Variants in FAM118A observed in about 807,000 individuals in gnomAD.
FAM118A encodes protein FAM118A.
In FAM118A, 25 loss-of-function variants were observed where a neutral mutation model predicts 38.2. The ratio of observed to expected loss-of-function variants is 0.65; its 90% confidence interval spans 0.48 to 0.91. FAM118A has a LOEUF of 0.91. Ranked by LOEUF, FAM118A falls within the 40% of genes least tolerant of loss-of-function variation. The pLI, the probability that FAM118A is intolerant of heterozygous loss-of-function variation, is 0.00. For missense variants in FAM118A, 425 were observed against 463.3 expected (o/e 0.92, Z 0.76); for synonymous variants, 178 against 184.1 (o/e 0.97, Z 0.27).
intron 6 of FAM118A, among the ~76,000 whole-genome samples, chr22:45,333,632 C>G (rs1306907034): frequency 2.0e-5 from 3 of 150,190 alleles, no homozygotes; most frequent in Non-Finnish European, 4.4e-5. Flanking sequence ...CAAGATCGCA[C>G]CACTGCACTC....
Position 45,332,691 on chromosome 22 carries a change from C to A in FAM118A, c.918C>A (p.Ile306=), listed in dbSNP as rs1199571094. 4 of 1,603,300 alleles carry A rather than the reference C, an allele frequency of 2.5e-6. No individual in the cohort carries two copies. The highest frequency in any genetic ancestry group is 3.4e-6 in the Non-Finnish European group (4 of 1,173,138). ...PGYVQDLATQ[I]CKQQSPDADR... ...ATGTGCAAGACCTTGCCACTCAGATCTGCAAACAGCAAAGCCCAGGTATGG... is the reference window on the plus strand; with the variant it reads ...ATGTGCAAGACCTTGCCACTCAGATATGCAAACAGCAAAGCCCAGGTATGG... Residue 306 remains isoleucine (I), a synonymous_variant, in exon 6 of 9, where the codon ATC becomes ATA. Transcript: ENST00000441876.
intron 6 of FAM118A, 152 bp downstream of exon 6, chr22:45,332,862 G>A: frequency 2.6e-6 from 2 of 772,464 alleles, no homozygotes; most frequent in Non-Finnish European, 4.0e-6. Context: ...TTCTGCCTCA[G>A]CCTTCCGAGT....
chr22:45,309,901 C>G (rs1038991389), upstream of FAM118A: 1 of 152,094 alleles, frequency 6.6e-6, no homozygotes, highest in Non-Finnish European at 1.5e-5. Flanking sequence ...GGAACGTTCA[C>G]GCGGCTGGGG....
Position 45,323,398 on chromosome 22 carries a change from G to A in FAM118A, c.271G>A (p.Ala91Thr), listed in dbSNP as rs759418785. The change falls in exon 3 of 9, where the codon GCC becomes ACC. Residue 91 changes from alanine to threonine, a missense_variant. Ala to Thr is a moderately conservative substitution (Grantham distance 58, BLOSUM62 0). Coordinates refer to ENST00000441876, the MANE Select transcript of FAM118A (RefSeq NM_017911.4). ...VTKDRDLLVV[A>T]HDLIRKMSPR... Reference sequence around the variant, plus strand: ...AAAGGACCGGGACCTGTTGGTTGTCGCCCATGATCTGATCCGGAAGATGTC... The same window carrying A: ...AAAGGACCGGGACCTGTTGGTTGTCACCCATGATCTGATCCGGAAGATGTC... 2.7e-5 allele frequency: 44 copies of A among 1,613,898 alleles called. No homozygotes were observed. In the Admixed American group the frequency reaches 5.5e-4, roughly 20 times the overall value.
At chr22:45,338,654 T>G (rs957604107) in intron 8 of FAM118A, among the ~76,000 whole-genome samples, 8 of 152,346 alleles carry the variant, frequency 5.3e-5, no homozygotes, top group African/African-American at 1.9e-4. Flanking sequence ...AGAGAGGATT[T>G]TCATATAATA....
chr22:45,337,751 C>T, intron 8 of FAM118A: 7 of 831,844 alleles, frequency 8.4e-6, no homozygotes, highest in Non-Finnish European at 1.0e-5. Flanking sequence ...GCTCTGGCCC[C>T]CCATCCATCC....
intron 8 of FAM118A, among the ~76,000 whole-genome samples, chr22:45,339,083 C>A (rs975390432): frequency 6.6e-6 from 1 of 152,204 alleles, no homozygotes; most frequent in Non-Finnish European, 1.5e-5. Context: ...GGGCAGCTGT[C>A]ACAGACTCGA....
At chr22:45,329,593 GGC>G (rs1354680376) in intron 4 of FAM118A, 2 of 152,250 alleles carry the variant, frequency 1.3e-5, no homozygotes, top group Non-Finnish European at 1.5e-5. Flanking sequence ...TGTGAGGTAA[GGC>G]CCTGGCCCCG....
At chr22:45,338,204 C>CACCG (rs2086236820) in intron 8 of FAM118A, among the ~76,000 whole-genome samples, 1 of 151,554 alleles carries the variant, frequency 6.6e-6, no homozygotes, top group Non-Finnish European at 1.5e-5. Flanking sequence ...GATTGATTTC[C>CACCG]ACCGTCTTTT....
At chr22:45,323,464 GT>G in intron 3 of FAM118A, 37 bp downstream of exon 3, 1 of 1,599,310 alleles carries the variant, frequency 6.3e-7, no homozygotes, top group Non-Finnish European at 8.5e-7. Flanking sequence ...GGACAGCTTG[GT>G]TCTGCAGCAG....
chr22:45,321,283 G>C (rs531645895), intron 1 of FAM118A, among the ~76,000 whole-genome samples: 2 of 152,040 alleles, frequency 1.3e-5, no homozygotes, highest in Non-Finnish European at 2.9e-5. Flanking sequence ...ATATATAAAT[G>C]TTAACAGTTA....
intron 1 of FAM118A, among the ~76,000 whole-genome samples, chr22:45,317,713 C>G (rs931430714): frequency 1.3e-5 from 2 of 152,240 alleles, no homozygotes; most frequent in Non-Finnish European, 2.9e-5. Context: ...GGTTCTTATG[C>G]CAGGCTCGCT....
chr22:45,339,616 G>A (rs1238544023), intron 8 of FAM118A, among the ~76,000 whole-genome samples: 2 of 152,150 alleles, frequency 1.3e-5, no homozygotes, highest in East Asian at 1.9e-4. Flanking sequence ...GGGGTAGGTG[G>A]TTCTTTTCCA....
rs145420867 is a variant in FAM118A, at chr22:45,333,748, G to C, written c.937+1038G>C. 4.6e-5 allele frequency among the ~76,000 whole-genome samples: 7 copies of C among 152,218 alleles called. No individual in the cohort carries two copies. In the East Asian group the frequency reaches 1.2e-3, roughly 25 times the overall value. ...ACCAGCTACTCTGGAGGCTCAGGTG[G>C]GGGGATTGCTTGAGCCCAGGAGTTA... is the stretch of plus-strand genomic sequence containing the variant. On this transcript the variant is annotated intron_variant, in intron 6 of 8. Coordinates refer to ENST00000441876, the MANE Select transcript of FAM118A (RefSeq NM_017911.4).
chr22:45,324,782 C>T (rs1213397347), intron 3 of FAM118A, among the ~76,000 whole-genome samples: 1 of 152,180 alleles, frequency 6.6e-6, no homozygotes, highest in Non-Finnish European at 1.5e-5. Context: ...CGCGGTGGCT[C>T]ACGCCTGTAA....
chr22:45,325,710 A>G (rs932282673), intron 3 of FAM118A, among the ~76,000 whole-genome samples: 1 of 152,134 alleles, frequency 6.6e-6, no homozygotes, highest in African/African-American at 2.4e-5. Flanking sequence ...GACCAGGACT[A>G]TTGGAGGAGA....
intron 3 of FAM118A, among the ~76,000 whole-genome samples, chr22:45,323,897 T>G (rs2085066238): frequency 6.6e-6 from 1 of 152,224 alleles, no homozygotes; most frequent in Non-Finnish European, 1.5e-5. Context: ...GCACTGATGA[T>G]TCAGGAGCTA....
chr22:45,311,617 G>C (rs560806716), intron 1 of FAM118A, among the ~76,000 whole-genome samples: 44 of 152,304 alleles, frequency 2.9e-4, no homozygotes, highest in African/African-American at 9.9e-4. Flanking sequence ...TGAGTGGAGG[G>C]TTTGGTACTT....
intron 1 of FAM118A, among the ~76,000 whole-genome samples, chr22:45,313,931 G>A (rs1034405407): frequency 1.3e-5 from 2 of 152,188 alleles, no homozygotes; most frequent in Non-Finnish European, 2.9e-5. Context: ...GTAGTAGGAA[G>A]CACACTGTTC....
Sources: allele counts gnomAD v4.1 joint callset (sites outside exome capture counted in the v4.1 genomes callset), GRCh38; gene constraint gnomAD v4.1.1; transcripts MANE v1.5; gene names NCBI Gene and HGNC (gene_info 2026-07-23, HGNC 2026-07-21).